Variants in PPARGC1A observed in about 807,000 individuals in gnomAD.
PPARGC1A encodes peroxisome proliferator-activated receptor gamma coactivator 1-alpha.
PPARGC1A carries 25 observed loss-of-function variants against 88.7 expected under a neutral mutation model. The observed-to-expected ratio is 0.28, with a 90% confidence interval of 0.21 to 0.39. The LOEUF (loss-of-function observed/expected upper bound fraction) is 0.39. Among genes scored for constraint, PPARGC1A ranks in the 10% least tolerant of loss-of-function variants. The pLI is 1.00. For missense variants in PPARGC1A, 880 were observed against 968.7 expected (o/e 0.91, Z 1.22); for synonymous variants, 363 against 355.6 (o/e 1.02, Z -0.24).
the PPARGC1A span, among the ~76,000 whole-genome samples, chr4:24,341,219 A>T: frequency 3.4e-5 from 5 of 147,856 alleles, no homozygotes; most frequent in Admixed American, 6.7e-5. Context: ...ATATATAATT[A>T]TATATATATA....
At chr4:24,237,637 T>C in the PPARGC1A span, among the ~76,000 whole-genome samples, 12 of 152,178 alleles carry the variant, frequency 7.9e-5, 1 homozygote, top group Admixed American at 7.9e-4. Flanking sequence ...GCTCTTATAA[T>C]TCCTCTTTTC....
At chr4:24,045,083 T>C in the PPARGC1A span, among the ~76,000 whole-genome samples, 1 of 152,068 alleles carries the variant, frequency 6.6e-6, no homozygotes, top group Non-Finnish European at 1.5e-5. Flanking sequence ...ACATCCTAAT[T>C]CTTACACAGA....
chr4:24,001,719 G>A, the PPARGC1A span, among the ~76,000 whole-genome samples: 14 of 151,954 alleles, frequency 9.2e-5, no homozygotes, highest in Admixed American at 8.5e-4. Context: ...TGGTAATTAC[G>A]GTAATCTCCT....
chr4:24,215,483 C>T, the PPARGC1A span, among the ~76,000 whole-genome samples: 1 of 152,108 alleles, frequency 6.6e-6, no homozygotes, highest in Non-Finnish European at 1.5e-5. Flanking sequence ...GGTGGTGAAT[C>T]CTGCCTTTGC....
the PPARGC1A span, among the ~76,000 whole-genome samples, chr4:23,958,175 T>G: frequency 6.6e-6 from 1 of 152,122 alleles, no homozygotes; most frequent in East Asian, 1.9e-4. Context: ...TTTGAGTCAA[T>G]TCGAAGCACT....
chr4:24,047,043 T>C, the PPARGC1A span, among the ~76,000 whole-genome samples: 22 of 152,214 alleles, frequency 1.4e-4, no homozygotes, highest in African/African-American at 5.1e-4. Flanking sequence ...TGACAAACCA[T>C]TGAAGACTCT....
the PPARGC1A span, among the ~76,000 whole-genome samples, chr4:24,402,157 G>T: frequency 3.9e-5 from 6 of 152,204 alleles, no homozygotes; most frequent in African/African-American, 1.4e-4. Context: ...TGGCCTGCTT[G>T]ACTCCATCCT....
chr4:24,129,987 G>A, the PPARGC1A span, among the ~76,000 whole-genome samples: 231 of 152,144 alleles, frequency 1.5e-3, 1 homozygote, highest in African/African-American at 5.2e-3. Context: ...ATCACACACC[G>A]GGGCCTGTTG....
upstream of PPARGC1A, among the ~76,000 whole-genome samples, chr4:23,905,206 T>C (rs1408446318): frequency 1.3e-5 from 2 of 152,200 alleles, no homozygotes; most frequent in Admixed American, 6.5e-5. Flanking sequence ...AGGGCAAACA[T>C]AGGGATATGA....
the PPARGC1A span, among the ~76,000 whole-genome samples, chr4:23,988,871 A>G: frequency 6.8e-6 from 1 of 147,754 alleles, no homozygotes; most frequent in Non-Finnish European, 1.5e-5. Context: ...TAATATTTAT[A>G]CATATAATAG....
the PPARGC1A span, among the ~76,000 whole-genome samples, chr4:24,074,684 AAAT>A: frequency 5.3e-5 from 8 of 152,096 alleles, no homozygotes; most frequent in African/African-American, 1.9e-4. Flanking sequence ...CTGAAATGTT[AAAT>A]AATATGTTCT....
the PPARGC1A span, among the ~76,000 whole-genome samples, chr4:24,417,474 C>T: frequency 2.0e-5 from 3 of 152,268 alleles, no homozygotes; most frequent in Non-Finnish European, 4.4e-5. Context: ...CAAGTTCTGC[C>T]TAGCAAGTAA....
chr4:23,931,812 G>A, the PPARGC1A span, among the ~76,000 whole-genome samples: 1 of 152,214 alleles, frequency 6.6e-6, no homozygotes, highest in Non-Finnish European at 1.5e-5. Context: ...CTCATGGGAA[G>A]CCATGGAAGT....
the PPARGC1A span, among the ~76,000 whole-genome samples, chr4:24,147,362 C>A: frequency 4.6e-5 from 7 of 152,204 alleles, no homozygotes; most frequent in Non-Finnish European, 5.9e-5. Context: ...TCAGAGGAGA[C>A]AATGCCAAGC....
chr4:24,430,434 T>G, the PPARGC1A span, among the ~76,000 whole-genome samples: 2 of 151,796 alleles, frequency 1.3e-5, no homozygotes, highest in African/African-American at 4.8e-5. Context: ...ATTTTTTTTT[T>G]GTATTTTTAG....
intron 10 of PPARGC1A, among the ~76,000 whole-genome samples, chr4:23,805,234 A>G (rs1019284443): frequency 2.0e-5 from 3 of 152,242 alleles, no homozygotes; most frequent in Admixed American, 2.0e-4. Context: ...ATCACAGAAA[A>G]AAAAAAAAAC....
chr4:23,796,503 A>G (rs1241871367), intron 12 of PPARGC1A, among the ~76,000 whole-genome samples: 1 of 152,160 alleles, frequency 6.6e-6, no homozygotes, highest in Non-Finnish European at 1.5e-5. Context: ...TTCACATCCC[A>G]GGAGAGTAAA....
chr4:24,077,220 C>CT, the PPARGC1A span, among the ~76,000 whole-genome samples: 1 of 152,132 alleles, frequency 6.6e-6, no homozygotes, highest in Non-Finnish European at 1.5e-5. Context: ...GTCTGGACCT[C>CT]TTATTCCCTA....
the PPARGC1A span, among the ~76,000 whole-genome samples, chr4:24,354,860 A>T: frequency 1.3e-5 from 2 of 152,056 alleles, no homozygotes; most frequent in Non-Finnish European, 2.9e-5. Flanking sequence ...GCACTCCAGC[A>T]TGGGCGACAG....
Sources: gnomAD v4.1 joint callset for allele counts (sites outside exome capture counted in the v4.1 genomes callset) on GRCh38, gnomAD v4.1.1 for gene constraint, MANE v1.5 for transcripts, NCBI Gene and HGNC (gene_info 2026-07-23, HGNC 2026-07-21) for gene names.